RIPOR2: variants seen among roughly 807,000 people sequenced by gnomAD.
RIPOR2 encodes the protein rho family-interacting cell polarization regulator 2.
In RIPOR2, 39 loss-of-function variants were observed where a neutral mutation model predicts 114.5. The observed-to-expected ratio is 0.34, with a 90% confidence interval of 0.26 to 0.44. The LOEUF is 0.44. Ranked by LOEUF, RIPOR2 falls within the 20% of genes least tolerant of loss-of-function variation. The pLI, the probability that RIPOR2 is intolerant of heterozygous loss-of-function variation, is 1.00. For synonymous variants in RIPOR2, 445 were observed against 484.4 expected (o/e 0.92, Z 1.07); for missense variants, 1,007 against 1,255.1 (o/e 0.80, Z 2.99).
At chr6:24,838,942 A>G in intron 14 of RIPOR2, 149 bp downstream of exon 14, 1 of 592,100 alleles carries the variant, frequency 1.7e-6, no homozygotes, top group South Asian at 2.9e-5. Context: ...TGCACTTGAC[A>G]ATAAAAAGGA....
At chr6:24,996,044 C>T (rs1208894649) in intron 1 of RIPOR2, among the ~76,000 whole-genome samples, 3 of 152,292 alleles carry the variant, frequency 2.0e-5, no homozygotes, top group East Asian at 3.9e-4. Context: ...CCTCGTGATC[C>T]ACCTGCCTCG....
At chr6:24,976,366 C>G in intron 1 of RIPOR2, 2 of 1,132,614 alleles carry the variant, frequency 1.8e-6, no homozygotes, top group Non-Finnish European at 2.6e-6. Context: ...TATTAAGAAA[C>G]GAGAAAAGGC....
intron 1 of RIPOR2, among the ~76,000 whole-genome samples, chr6:25,013,588 C>A (rs565954936): frequency 6.6e-6 from 1 of 152,260 alleles, no homozygotes; most frequent in Non-Finnish European, 1.5e-5. Flanking sequence ...TTTTTTCATG[C>A]AAAATCTTTA....
At chr6:25,007,153 C>T (rs1561840133) in intron 1 of RIPOR2, among the ~76,000 whole-genome samples, 1 of 152,196 alleles carries the variant, frequency 6.6e-6, no homozygotes, top group Non-Finnish European at 1.5e-5. Flanking sequence ...CTTAATACTG[C>T]TGGAGAGAAT....
chr6:24,984,210 C>T (rs1774434105), intron 1 of RIPOR2, among the ~76,000 whole-genome samples: 1 of 152,352 alleles, frequency 6.6e-6, no homozygotes, highest in Admixed American at 6.5e-5. Context: ...GACCACCAAA[C>T]AGGCTTTGTG....
At chr6:24,974,289 G>A (rs1447941952) in intron 1 of RIPOR2, among the ~76,000 whole-genome samples, 1 of 152,172 alleles carries the variant, frequency 6.6e-6, no homozygotes, top group Non-Finnish European at 1.5e-5. Flanking sequence ...AGGATCACTT[G>A]AGCCCAGGAG....
chr6:24,921,657 C>A (rs761203748), intron 1 of RIPOR2, among the ~76,000 whole-genome samples: 3 of 151,486 alleles, frequency 2.0e-5, no homozygotes, highest in African/African-American at 7.3e-5. Context: ...TATCGCCCCC[C>A]CCGACCCTGA....
chr6:24,984,651 C>A (rs370342758), intron 1 of RIPOR2, among the ~76,000 whole-genome samples: 23 of 148,064 alleles, frequency 1.6e-4, no homozygotes, highest in East Asian at 3.9e-4. Context: ...CCCCGTCTCT[C>A]AAAAAAAAAA....
chr6:24,876,574 T>G lies in RIPOR2; in HGVS notation c.62-757A>C, dbSNP rs559967906. ...CATAAAGCTAAAACACTAGGTTACT[T>G]TAGAGATGAACTTACTTGAACTAGT... On this transcript the variant is annotated intron_variant, in intron 1 of 21. Transcript: ENST00000643898. 5.9e-5 allele frequency among the ~76,000 whole-genome samples: 9 copies of G among 152,266 alleles called. No homozygotes were observed. In the East Asian group the frequency reaches 1.7e-3, roughly 29 times the overall value.
intron 1 of RIPOR2, among the ~76,000 whole-genome samples, chr6:25,003,929 C>A (rs1056393996): frequency 6.6e-6 from 1 of 152,156 alleles, no homozygotes; most frequent in Non-Finnish European, 1.5e-5. Context: ...TGACCATTTA[C>A]CACTCTTCTT....
intron 1 of RIPOR2, among the ~76,000 whole-genome samples, chr6:24,930,000 A>C (rs575133977): frequency 6.6e-6 from 1 of 152,216 alleles, no homozygotes; most frequent in Non-Finnish European, 1.5e-5. Context: ...CCTTGAGCCC[A>C]GGAAGTTGAG....
At chr6:24,847,533 C>G in intron 12 of RIPOR2, 9 of 1,550,396 alleles carry the variant, frequency 5.8e-6, no homozygotes, top group Non-Finnish European at 7.0e-6. Flanking sequence ...CCGGGCAGGC[C>G]ACACTCACAT....
chr6:25,027,548 CGTG>C (rs1356069868), intron 1 of RIPOR2, among the ~76,000 whole-genome samples: 2 of 152,236 alleles, frequency 1.3e-5, no homozygotes, highest in East Asian at 3.8e-4. Context: ...TAACCGGCCT[CGTG>C]GTGGCCATGC....
chr6:25,038,937 A>T (rs1459003310), intron 1 of RIPOR2, among the ~76,000 whole-genome samples: 1 of 152,242 alleles, frequency 6.6e-6, no homozygotes, highest in Non-Finnish European at 1.5e-5. Flanking sequence ...CCCGTGGGGA[A>T]AAAGGAGAGA....
At chr6:24,811,295 G>A (rs1317785383) in intron 20 of RIPOR2, among the ~76,000 whole-genome samples, 2 of 133,230 alleles carry the variant, frequency 1.5e-5, no homozygotes, top group South Asian at 4.8e-4. Flanking sequence ...GTGCAGTGGT[G>A]CAATCTTGGC....
At chr6:24,847,935 C>G in intron 12 of RIPOR2, 90 bp downstream of exon 12, 1 of 1,538,954 alleles carries the variant, frequency 6.5e-7, no homozygotes, top group Non-Finnish European at 8.9e-7. Context: ...ATTACTAACT[C>G]CCAGCACTGT....
At chr6:24,899,061 A>G (rs918409973) in intron 1 of RIPOR2, among the ~76,000 whole-genome samples, 4 of 151,674 alleles carry the variant, frequency 2.6e-5, no homozygotes, top group African/African-American at 9.7e-5. Flanking sequence ...GACAAAAGTC[A>G]CAAGGAAATT....
chr6:25,005,738 T>TACATATAC (rs1554130559), intron 1 of RIPOR2, among the ~76,000 whole-genome samples: 1 of 70,698 alleles, frequency 1.4e-5, no homozygotes, highest in African/African-American at 4.1e-5. Flanking sequence ...TATATATATA[T>TACATATAC]ATACATTTAC....
At chr6:24,944,061 G>A (rs954843137) in intron 1 of RIPOR2, among the ~76,000 whole-genome samples, 1 of 152,144 alleles carries the variant, frequency 6.6e-6, no homozygotes. Context: ...GGAATGAGAT[G>A]CCCATAGGAG....
Sources: gnomAD v4.1 joint callset for allele counts (sites outside exome capture counted in the v4.1 genomes callset) on GRCh38, gnomAD v4.1.1 for gene constraint, MANE v1.5 for transcripts, NCBI Gene and HGNC (gene_info 2026-07-23, HGNC 2026-07-21) for gene names.